COPZ1: variants seen among roughly 807,000 people sequenced by gnomAD.
COPZ1 encodes coat protein complex I subunit zeta 1, also known as coatomer subunit zeta-1.
Under a neutral mutation model 31.7 loss-of-function variants are expected in COPZ1, and 4 were observed. That is an observed-to-expected ratio of 0.13 (90% CI 0.06 to 0.29). The LOEUF is 0.29. Among genes scored for constraint, COPZ1 ranks in the 10% least tolerant of loss-of-function variants. COPZ1 has a pLI of 1.00. For missense variants in COPZ1, 156 were observed against 211.5 expected (o/e 0.74, Z 1.63); for synonymous variants, 74 against 79.0 (o/e 0.94, Z 0.33).
intron 1 of COPZ1, among the ~76,000 whole-genome samples, chr12:54,326,124 A>ACTTATTATTATTATTATT (rs1953631678): frequency 7.2e-6 from 1 of 139,164 alleles, no homozygotes. Context: ...CCTGGCCAGG[A>ACTTATTATTATTATTATT]ATTATTATTA....
At chr12:54,327,360 G>C (rs1379747959) in intron 1 of COPZ1, among the ~76,000 whole-genome samples, 1 of 148,952 alleles carries the variant, frequency 6.7e-6, no homozygotes, top group Non-Finnish European at 1.5e-5. Flanking sequence ...GCAGTGGTGT[G>C]ATCTCACCTC....
chr12:54,339,592 C>T (rs1294193742), intron 1 of COPZ1, among the ~76,000 whole-genome samples: 1 of 152,108 alleles, frequency 6.6e-6, no homozygotes, highest in African/African-American at 2.4e-5. Context: ...AGCAATCCTC[C>T]TGCCTCAGCC....
intron 1 of COPZ1, among the ~76,000 whole-genome samples, chr12:54,332,037 C>T (rs1439801048): frequency 6.6e-6 from 1 of 152,044 alleles, no homozygotes; most frequent in East Asian, 1.9e-4. Flanking sequence ...AAAAAATCCT[C>T]CAGCAAGGCC....
intron 1 of COPZ1, among the ~76,000 whole-genome samples, chr12:54,339,087 C>A: frequency 6.6e-6 from 1 of 151,946 alleles, no homozygotes; most frequent in Non-Finnish European, 1.5e-5. Flanking sequence ...AAAGCAACAG[C>A]CTTGTCTCAG....
intron 1 of COPZ1, among the ~76,000 whole-genome samples, chr12:54,331,425 T>C (rs1953753157): frequency 1.3e-5 from 2 of 152,226 alleles, no homozygotes; most frequent in African/African-American, 4.8e-5. Context: ...GTGATCCACA[T>C]GCCTTGGCCT....
chr12:54,342,569 A>G, intron 3 of COPZ1: 1 of 434,438 alleles, frequency 2.3e-6, no homozygotes, highest in East Asian at 4.6e-5. Flanking sequence ...TACCGCATCC[A>G]TTAGGGCAGG....
chr12:54,333,923 C>G (rs889410536), intron 1 of COPZ1, among the ~76,000 whole-genome samples: 2 of 152,022 alleles, frequency 1.3e-5, no homozygotes, highest in African/African-American at 2.4e-5. Flanking sequence ...CTTTTTGAAT[C>G]TAATCTTGTG....
At chr12:54,331,237 A>G (rs1953747194) in intron 1 of COPZ1, among the ~76,000 whole-genome samples, 1 of 141,168 alleles carries the variant, frequency 7.1e-6, no homozygotes, top group Non-Finnish European at 1.5e-5. Context: ...CTAGAGTGCA[A>G]TGGCATGATC....
intron 3 of COPZ1, 98 bp downstream of exon 3, chr12:54,342,385 C>A: frequency 1.1e-6 from 1 of 890,626 alleles, no homozygotes. Context: ...ATGACTCTGC[C>A]TTTTTCTTTT....
chr12:54,334,860 A>C (rs1302183230), intron 1 of COPZ1, among the ~76,000 whole-genome samples: 2 of 152,026 alleles, frequency 1.3e-5, no homozygotes, highest in Non-Finnish European at 2.9e-5. Flanking sequence ...CCGTCTCAAA[A>C]AAATAAAAAA....
Position 54,350,506 on chromosome 12 carries a change from T to C in COPZ1, c.517T>C (p.Trp173Arg). The change falls in exon 9 of 9, where the codon TGG becomes CGG. Residue 173 changes from tryptophan (W) to arginine (R), a missense_variant. Transcript: ENST00000262061. The part of the protein sequence containing the change: ...VLQSAKEQIK[W>R]SLLR ...GCAGTCAGCCAAAGAACAGATCAAG[T>C]GGTCACTCCTTCGGTGAAGACCTCA... The C allele has an allele frequency of 6.2e-7, 1 of 1,614,078 alleles. No homozygotes were observed. Among genetic ancestry groups the C allele is most frequent in the Non-Finnish European group, 8.5e-7 (1 of 1,179,904 alleles).
At chr12:54,345,204 G>A (rs1954042495) in intron 4 of COPZ1, 2 of 441,588 alleles carry the variant, frequency 4.5e-6, no homozygotes, top group South Asian at 5.6e-5. Context: ...TGAAGACATT[G>A]TAGAGGACTG....
At chr12:54,325,440 G>A in intron 1 of COPZ1, 1 of 502,630 alleles carries the variant, frequency 2.0e-6, no homozygotes, top group East Asian at 3.4e-5. Context: ...ACACAGACCT[G>A]TAGGCGTACT....
chr12:54,346,321 G>A (rs1198894524), intron 5 of COPZ1, among the ~76,000 whole-genome samples: 2 of 148,502 alleles, frequency 1.3e-5, no homozygotes. Flanking sequence ...AGGCTGGAGT[G>A]CAGTGGCGTG....
chr12:54,343,478 G>A (rs1444024110), intron 4 of COPZ1, among the ~76,000 whole-genome samples, 162 bp downstream of exon 4: 1 of 152,178 alleles, frequency 6.6e-6, no homozygotes, highest in African/African-American at 2.4e-5. Flanking sequence ...ACATGGCCCG[G>A]CAAATGAATC....
chr12:54,343,168 C>A, intron 3 of COPZ1, 57 bp from the exon 4 acceptor site: 1 of 1,397,036 alleles, frequency 7.2e-7, no homozygotes, highest in Non-Finnish European at 1.0e-6. Flanking sequence ...GTAACTCCTT[C>A]TTTCCTACTT....
At chr12:54,331,381 A>T (rs917060114) in intron 1 of COPZ1, among the ~76,000 whole-genome samples, 1 of 151,924 alleles carries the variant, frequency 6.6e-6, no homozygotes, top group Non-Finnish European at 1.5e-5. Context: ...GGGTTTCGCC[A>T]TGTTGGCCAA....
chr12:54,342,822 G>A (rs1201130057), intron 3 of COPZ1, among the ~76,000 whole-genome samples: 1 of 150,946 alleles, frequency 6.6e-6, no homozygotes, highest in South Asian at 2.1e-4. Context: ...GCCCAAAAGA[G>A]CTGGATACTA....
chr12:54,337,732 T>C (rs966755593), intron 1 of COPZ1, among the ~76,000 whole-genome samples: 1 of 152,246 alleles, frequency 6.6e-6, no homozygotes, highest in Non-Finnish European at 1.5e-5. Flanking sequence ...TTATTTAGTA[T>C]GCTTCCTCCT....
Sources: gnomAD v4.1 joint callset for allele counts (sites outside exome capture counted in the v4.1 genomes callset) on GRCh38, gnomAD v4.1.1 for gene constraint, MANE v1.5 for transcripts, NCBI Gene and HGNC (gene_info 2026-07-23, HGNC 2026-07-21) for gene names.